The following EPC1 variants were observed in gnomAD, a reference collection of about 807,000 sequenced individuals.
EPC1 encodes enhancer of polycomb 1.
A neutral mutation model predicts 98.4 loss-of-function variants in EPC1; 12 were observed. That is an observed-to-expected ratio of 0.12 (90% CI 0.08 to 0.20). EPC1 has a LOEUF of 0.20. EPC1 is among the 10% of genes least tolerant of loss of function. The pLI, the probability that EPC1 is intolerant of heterozygous loss-of-function variation, is 1.00. For synonymous variants in EPC1, 357 were observed against 363.9 expected, an observed-to-expected ratio of 0.98 and a Z score of 0.21; for missense variants, 729 against 990.5, an observed-to-expected ratio of 0.74 and a Z score of 3.54.
rs764037448 is a variant in EPC1, at chr10:32,287,273, T to C, written c.977A>G (p.Gln326Arg). Residue 326 changes from glutamine (Q) to arginine (R), a missense_variant and splice_region_variant, in exon 7 of 14, where the codon CAA becomes CGA. Physicochemically the swap from Gln to Arg is conservative, Grantham distance 43. Coordinates refer to ENST00000319778, the MANE Select transcript of EPC1 (RefSeq NM_001272004.3). ...MDVKEFKVNK[Q>R]DKADLIRPKR... ...CGGTCGGATAAGATCGGCTTTATCT[T>C]GCTGCAACAAAGACATGAATTAATT... is the stretch of plus-strand genomic sequence containing the variant. The C allele has an allele frequency of 5.0e-6, 8 of 1,613,758 alleles. No homozygotes were observed. The highest frequency in any genetic ancestry group is 5.9e-6 in the Non-Finnish European group (7 of 1,179,910).
rs372146447 is a variant in EPC1 at position 32,363,827 on chromosome 10, TCAATCTACTTGAAAAG to T, written c.3+14648_3+14663del. 2.0e-3 allele frequency among the ~76,000 whole-genome samples: 307 copies of T among 152,236 alleles called. 2 individuals carry two copies. The highest frequency in any genetic ancestry group is 7.0e-3 in the African/African-American group (291 of 41,546). On this transcript the variant is annotated intron_variant, in intron 1 of 13. Coordinates refer to the EPC1 transcript ENST00000375110. ...TGCTTTTCCAAATAGCTAAACTTGCTCAATCTACTTGAAAAGCAATAGCTCTTCAGCATGAATTTTG... is the reference window on the plus strand; with the variant it reads ...TGCTTTTCCAAATAGCTAAACTTGCTCAATAGCTCTTCAGCATGAATTTTG...
chr10:32,361,650 C>G (rs1839447422), intron 1 of EPC1, among the ~76,000 whole-genome samples: 1 of 152,210 alleles, frequency 6.6e-6, no homozygotes, highest in Non-Finnish European at 1.5e-5. Flanking sequence ...GCAAGTTCAT[C>G]TATGTGCTTC....
At chr10:32,349,518 C>T (rs1471557516), upstream of EPC1, among the ~76,000 whole-genome samples, 1 of 152,172 alleles carries the variant, frequency 6.6e-6, no homozygotes, top group Non-Finnish European at 1.5e-5. Context: ...ACTCTCAGGT[C>T]CTTCTGGGTT....
intron 10 of EPC1, chr10:32,274,039 C>CT (rs1358192902): frequency 6.7e-6 from 1 of 150,284 alleles, no homozygotes; most frequent in African/African-American, 2.4e-5. Context: ...GAGCTCAGTT[C>CT]TAAAAAAAAC....
At chr10:32,281,160 G>A (rs1264171591) in intron 10 of EPC1, among the ~76,000 whole-genome samples, 3 of 152,048 alleles carry the variant, frequency 2.0e-5, no homozygotes, top group East Asian at 3.9e-4. Context: ...TCAGCCTCCC[G>A]AGTAGCAGGA....
intron 6 of EPC1, among the ~76,000 whole-genome samples, chr10:32,289,849 C>A (rs1456609028): frequency 6.6e-6 from 1 of 152,046 alleles, no homozygotes; most frequent in Non-Finnish European, 1.5e-5. Flanking sequence ...TGGTCTCGAT[C>A]TCCTGACCTT....
intron 3 of EPC1, 85 bp downstream of exon 3, chr10:32,293,507 A>C: frequency 7.7e-7 from 1 of 1,294,704 alleles, no homozygotes; most frequent in Non-Finnish European, 1.1e-6. Flanking sequence ...GATTACCCCC[A>C]ACCTGCAATC....
At chr10:32,277,854 G>A (rs901328457) in intron 10 of EPC1, among the ~76,000 whole-genome samples, 9 of 150,924 alleles carry the variant, frequency 6.0e-5, no homozygotes, top group African/African-American at 2.2e-4. Context: ...ACAGACATGA[G>A]CCACTGCGCC....
chr10:32,326,667 A>C, intron 1 of EPC1, among the ~76,000 whole-genome samples: 1 of 152,188 alleles, frequency 6.6e-6, no homozygotes. Flanking sequence ...AATCCTTAAC[A>C]AGCAGTACAA....
In EPC1 at chr10:32,268,873, C is replaced by T; in HGVS notation, c.*190G>A. On this transcript the variant is annotated 3_prime_UTR_variant, in exon 14 of 14. Coordinates refer to ENST00000319778, the MANE Select transcript of EPC1 (RefSeq NM_001272004.3). Reference sequence around the variant, plus strand: ...AGATAATTGCTGTATTCTTAATTTACAGATGTTGATTTTTTTCCTATTAAC... The same window carrying T: ...AGATAATTGCTGTATTCTTAATTTATAGATGTTGATTTTTTTCCTATTAAC... 1.9e-6 allele frequency: 1 copy of T among 537,632 alleles called. No homozygotes were observed. The highest frequency in any genetic ancestry group is 3.3e-6 in the Non-Finnish European group (1 of 300,208). 33.3% of individuals were successfully genotyped at this position (537,632 alleles called of 1,614,324 possible). A position where few individuals can be genotyped will look rare whatever the true frequency, so the allele number is the denominator to read the frequency against.
At chr10:32,290,505 A>AAAAGAAAAAAAAGAAAG (rs1836948726) in intron 6 of EPC1, among the ~76,000 whole-genome samples, 1 of 77,528 alleles carries the variant, frequency 1.3e-5, no homozygotes, top group African/African-American at 5.5e-5. Context: ...AAAAAAAAAA[A>AAAAGAAAAAAAAGAAAG]AAAGAAAGAA....
chr10:32,338,945 AT>A (rs67264439), intron 1 of EPC1, among the ~76,000 whole-genome samples: 66,420 of 144,690 alleles, frequency 0.46, 17,599 homozygotes, highest in East Asian at 0.72. Flanking sequence ...CTCAAAAAAA[AT>A]AAATAAATAA....
upstream of EPC1, chr10:32,347,321 C>A (rs376321898): frequency 2.0e-6 from 1 of 496,850 alleles, no homozygotes; most frequent in Admixed American, 5.9e-5. Context: ...CCTCGCTGCT[C>A]CGGGCCCCCG....
At chr10:32,341,020 T>G (rs1422669091) in intron 1 of EPC1, among the ~76,000 whole-genome samples, 1 of 152,188 alleles carries the variant, frequency 6.6e-6, no homozygotes, top group Non-Finnish European at 1.5e-5. Context: ...ATGTCATACT[T>G]TCATATCACT....
At chr10:32,347,662 C>G (rs946945455), upstream of EPC1, among the ~76,000 whole-genome samples, 8 of 151,742 alleles carry the variant, frequency 5.3e-5, no homozygotes, top group African/African-American at 1.7e-4. Flanking sequence ...AGAGGCGCCG[C>G]GCGCCGCCGT....
At chr10:32,327,502 T>C (rs1345908404) in intron 1 of EPC1, among the ~76,000 whole-genome samples, 2 of 152,214 alleles carry the variant, frequency 1.3e-5, no homozygotes, top group East Asian at 1.9e-4. Flanking sequence ...GTCATGGCTA[T>C]GTTAATTGCC....
At chr10:32,297,828 C>T (rs371583230) in intron 2 of EPC1, among the ~76,000 whole-genome samples, 2 of 151,686 alleles carry the variant, frequency 1.3e-5, no homozygotes, top group Admixed American at 6.6e-5. Flanking sequence ...GACAGAGTCT[C>T]GCTCTGTCGC....
intron 2 of EPC1, among the ~76,000 whole-genome samples, chr10:32,297,412 A>T (rs1835234651): frequency 6.6e-6 from 1 of 151,410 alleles, no homozygotes; most frequent in African/African-American, 2.4e-5. Context: ...CAGCCTCCTG[A>T]GTAGCTGGGA....
chr10:32,313,840 C>T (rs575417634), intron 1 of EPC1, among the ~76,000 whole-genome samples: 55 of 151,934 alleles, frequency 3.6e-4, no homozygotes, highest in Admixed American at 3.1e-3. Context: ...GAGCTGAGAT[C>T]GCGCCACTGC....
Sources: gnomAD v4.1 joint callset for allele counts (sites outside exome capture counted in the v4.1 genomes callset) on GRCh38, gnomAD v4.1.1 for gene constraint, MANE v1.5 for transcripts, NCBI Gene and HGNC (gene_info 2026-07-23, HGNC 2026-07-21) for gene names.